The following TAS2R1 variants were observed in gnomAD, a reference collection of about 807,000 sequenced individuals.
TAS2R1 encodes the protein taste receptor type 2 member 1.
For synonymous variants in TAS2R1, 141 were observed against 134.2 expected (o/e 1.05, Z -0.35); for missense variants, 370 against 353.4 (o/e 1.05, Z -0.38).
chr5:9,888,821 G>T, the TAS2R1 span, among the ~76,000 whole-genome samples: 6 of 152,216 alleles, frequency 3.9e-5, no homozygotes, highest in African/African-American at 1.4e-4. Flanking sequence ...TGGGGGAGGA[G>T]TGAGCAGTGA....
chr5:9,708,547 T>G (rs2126531214), intron 1 of TAS2R1, among the ~76,000 whole-genome samples: 1 of 152,328 alleles, frequency 6.6e-6, no homozygotes, highest in East Asian at 1.9e-4. Flanking sequence ...CCAGCGTCTG[T>G]CACATACTAT....
chr5:9,761,260 T>C, the TAS2R1 span, among the ~76,000 whole-genome samples: 2 of 152,250 alleles, frequency 1.3e-5, no homozygotes, highest in Admixed American at 6.5e-5. Flanking sequence ...AATAAGCCTC[T>C]GCAAGGAATA....
At chr5:9,742,992 C>G in the TAS2R1 span, among the ~76,000 whole-genome samples, 1 of 151,810 alleles carries the variant, frequency 6.6e-6, no homozygotes. Context: ...ACATCCTTAG[C>G]AAAAACAAGA....
chr5:9,724,496 T>G, the TAS2R1 span, among the ~76,000 whole-genome samples: 1 of 152,196 alleles, frequency 6.6e-6, no homozygotes, highest in East Asian at 1.9e-4. Flanking sequence ...AAAATCCATT[T>G]TATATCCTAT....
At chr5:9,820,958 TCCC>T in the TAS2R1 span, among the ~76,000 whole-genome samples, 2 of 151,856 alleles carry the variant, frequency 1.3e-5, no homozygotes, top group Non-Finnish European at 2.9e-5. Flanking sequence ...GAAACATGAA[TCCC>T]GGGAAAGAGC....
intron 1 of TAS2R1, among the ~76,000 whole-genome samples, chr5:9,673,913 G>T (rs1740819104): frequency 6.6e-6 from 1 of 152,164 alleles, no homozygotes; most frequent in Non-Finnish European, 1.5e-5. Flanking sequence ...AGAAATAGCT[G>T]CAGCCCAATC....
chr5:9,794,059 C>G, the TAS2R1 span, among the ~76,000 whole-genome samples: 1 of 152,156 alleles, frequency 6.6e-6, no homozygotes, highest in African/African-American at 2.4e-5. Context: ...ATTTGTGTAA[C>G]CAGGGTTTTG....
At chr5:9,648,254 G>C (rs1482085556) in intron 2 of TAS2R1, among the ~76,000 whole-genome samples, 1 of 152,054 alleles carries the variant, frequency 6.6e-6, no homozygotes, top group African/African-American at 2.4e-5. Context: ...TTGCATTTTG[G>C]TAACTTTTAA....
the TAS2R1 span, among the ~76,000 whole-genome samples, chr5:9,851,312 G>T: frequency 1.3e-5 from 2 of 152,180 alleles, no homozygotes; most frequent in Non-Finnish European, 2.9e-5. Flanking sequence ...ATGTTGGCTA[G>T]ACAACAAAGA....
At chr5:9,840,857 A>ATTTATTTATTTT in the TAS2R1 span, among the ~76,000 whole-genome samples, 1 of 132,088 alleles carries the variant, frequency 7.6e-6, no homozygotes, top group Non-Finnish European at 1.6e-5. Context: ...TTATTTATTT[A>ATTTATTTATTTT]TTTTTTTTTT....
At chr5:9,709,283 G>C (rs1450239827) in intron 1 of TAS2R1, among the ~76,000 whole-genome samples, 1 of 151,782 alleles carries the variant, frequency 6.6e-6, no homozygotes, top group Non-Finnish European at 1.5e-5. Flanking sequence ...CAATTATAGG[G>C]CCTCGCTGAT....
the TAS2R1 span, among the ~76,000 whole-genome samples, chr5:9,816,806 T>C: frequency 6.6e-6 from 1 of 152,156 alleles, no homozygotes; most frequent in African/African-American, 2.4e-5. Flanking sequence ...ATTTATACAC[T>C]GTAAATATAA....
rs1023525493 is a variant in TAS2R1, at chr5:9,628,347, C to G, written c.*786G>C. Among the ~76,000 whole-genome samples the G allele has an allele frequency of 5.3e-5, 8 of 152,170 alleles. No individual in the cohort carries two copies. The highest frequency in any genetic ancestry group is 1.4e-4 in the African/African-American group (6 of 41,506). ...TGAAAGGGTCTCAAAGTCAGGCACA[C>G]AAATACAAAATAAAACATCTTTGCA... On this transcript the variant is annotated 3_prime_UTR_variant, in exon 1 of 1. Transcript: ENST00000382492.
the TAS2R1 span, among the ~76,000 whole-genome samples, chr5:9,799,534 A>G: frequency 6.6e-5 from 10 of 152,196 alleles, no homozygotes; most frequent in Non-Finnish European, 1.3e-4. Context: ...ACACCAGTCC[A>G]GAAATATTGA....
chr5:9,653,038 C>T (rs547014118), intron 2 of TAS2R1, among the ~76,000 whole-genome samples: 1 of 152,240 alleles, frequency 6.6e-6, no homozygotes, highest in South Asian at 2.1e-4. Context: ...AATAACTCAC[C>T]ATTTCCTACT....
the TAS2R1 span, among the ~76,000 whole-genome samples, chr5:9,762,709 T>C: frequency 6.6e-6 from 1 of 152,194 alleles, no homozygotes; most frequent in Non-Finnish European, 1.5e-5. Context: ...CTAGCTAGAA[T>C]TCAAAAAGGA....
At chr5:9,714,884 A>C (rs372716922), upstream of TAS2R1, among the ~76,000 whole-genome samples, 1 of 152,252 alleles carries the variant, frequency 6.6e-6, no homozygotes, top group Non-Finnish European at 1.5e-5. Flanking sequence ...ATATACACCT[A>C]TATTATGTGT....
At chr5:9,670,474 C>T (rs1357038452) in intron 1 of TAS2R1, among the ~76,000 whole-genome samples, 4 of 152,176 alleles carry the variant, frequency 2.6e-5, no homozygotes, top group Non-Finnish European at 5.9e-5. Flanking sequence ...TATCATTTTC[C>T]TTGTTCTGTC....
chr5:9,744,956 G>A, the TAS2R1 span, among the ~76,000 whole-genome samples: 2 of 152,304 alleles, frequency 1.3e-5, no homozygotes, highest in Non-Finnish European at 2.9e-5. Context: ...TTTGAAAAAC[G>A]AAGATGGACT....
Sources: allele counts gnomAD v4.1 joint callset (sites outside exome capture counted in the v4.1 genomes callset), GRCh38; gene constraint gnomAD v4.1.1; transcripts MANE v1.5; gene names NCBI Gene and HGNC (gene_info 2026-07-23, HGNC 2026-07-21).